The following TCF20 variants were observed in gnomAD, a reference collection of about 807,000 sequenced individuals.
The protein encoded by TCF20 is transcription factor 20.
A neutral mutation model predicts 148.6 loss-of-function variants in TCF20; 3 were observed. The observed-to-expected ratio is 0.02, with a 90% CI of 0.01 to 0.05. The LOEUF is 0.05. TCF20 is among the 10% of genes least tolerant of loss of function. The pLI, the probability that TCF20 is intolerant of heterozygous loss-of-function variation, is 1.00. For missense variants in TCF20, 2,350 were observed against 2,429.3 expected, an observed-to-expected ratio of 0.97 and a Z score of 0.69; for synonymous variants, 1,049 against 909.5, an observed-to-expected ratio of 1.15 and a Z score of -2.76.
At chr22:42,173,727 G>A (rs1936274829) in intron 3 of TCF20, among the ~76,000 whole-genome samples, 1 of 152,206 alleles carries the variant, frequency 6.6e-6, no homozygotes, top group East Asian at 1.9e-4. Context: ...CTGGGTCACT[G>A]TGACTTGGGT....
rs988313517 is a variant in TCF20, at chr22:42,279,993, C to T, written c.-37+3834G>A. 7.9e-5 allele frequency among the ~76,000 whole-genome samples: 12 copies of T among 152,154 alleles called. No homozygotes were observed. The highest frequency in any genetic ancestry group is 2.2e-4 in the African/African-American group (9 of 41,426). Reference sequence around the variant, plus strand: ...GAGCTGCTACTGGGCTGGGCCCTCTCGGTCCCTGAGCCTAGACCAGGTGAG... The same window carrying T: ...GAGCTGCTACTGGGCTGGGCCCTCTTGGTCCCTGAGCCTAGACCAGGTGAG... On this transcript the variant is annotated intron_variant, in intron 1 of 5. Transcript: ENST00000359486. This position sits in a 1 kb window ranked among gnomAD's most constrained non-coding sequence, Gnocchi z 4.3.
chr22:42,325,440 T>A (rs1375120419), intron 1 of TCF20, among the ~76,000 whole-genome samples: 1 of 152,222 alleles, frequency 6.6e-6, no homozygotes, highest in Non-Finnish European at 1.5e-5. Flanking sequence ...AAGACCACCC[T>A]TTCCTGCCCA....
At chr22:42,293,192 C>T (rs1403972586) in intron 1 of TCF20, among the ~76,000 whole-genome samples, 1 of 152,190 alleles carries the variant, frequency 6.6e-6, no homozygotes, top group Non-Finnish European at 1.5e-5. Context: ...CAAGGTCAGA[C>T]CCAGCTTCTC....
chr22:42,234,739 T>C (rs17386770), intron 1 of TCF20, among the ~76,000 whole-genome samples: 4,580 of 152,188 alleles, frequency 0.03, 89 homozygotes, highest in Non-Finnish European at 0.047. Flanking sequence ...TAAGGTGAAA[T>C]AGTTACATCT....
chr22:42,310,736 A>G (rs1601702278), intron 1 of TCF20, among the ~76,000 whole-genome samples: 1 of 152,298 alleles, frequency 6.6e-6, no homozygotes, highest in East Asian at 1.9e-4. Context: ...CCAGGCCAGG[A>G]GCCTGAGTCT....
At chr22:42,200,212 T>C (rs1361658632) in intron 2 of TCF20, among the ~76,000 whole-genome samples, 1 of 152,186 alleles carries the variant, frequency 6.6e-6, no homozygotes, top group East Asian at 1.9e-4. Flanking sequence ...ATTTCTTTTC[T>C]TCAACCCTTC....
intron 1 of TCF20, among the ~76,000 whole-genome samples, chr22:42,261,719 G>C (rs373198507): frequency 5.8e-4 from 88 of 152,272 alleles, no homozygotes; most frequent in African/African-American, 1.9e-3. Context: ...AAAAGTTCCA[G>C]ATGGTGGCTC....
chr22:42,287,349 C>T (rs149059770), upstream of TCF20, among the ~76,000 whole-genome samples: 63 of 152,274 alleles, frequency 4.1e-4, no homozygotes, highest in Non-Finnish European at 7.2e-4. Flanking sequence ...TCAACCATTT[C>T]ACAGATGAGC....
At chr22:42,341,631 T>C (rs894732044) in intron 1 of TCF20, among the ~76,000 whole-genome samples, 3 of 152,104 alleles carry the variant, frequency 2.0e-5, no homozygotes, top group Non-Finnish European at 2.9e-5. Context: ...CCGAGAGCCC[T>C]GTAAGGGACC....
rs1569089637 is a variant in TCF20, at chr22:42,161,365, G to A, written c.*45-7C>T. 6.2e-7 allele frequency: 1 copy of A among 1,614,090 alleles called. No individual in the cohort carries two copies. Among genetic ancestry groups the A allele is most frequent in the Non-Finnish European group, 8.5e-7 (1 of 1,179,966 alleles). On this transcript the variant is annotated splice_polypyrimidine_tract_variant and splice_region_variant and intron_variant, in intron 5 of 5. Coordinates refer to ENST00000677622, the MANE Select transcript of TCF20 (RefSeq NM_001378418.1). ...CTCATCTCCACAGTCTCACCTGGAA[G>A]ACAAGGGACACACAGTGAAGGCCAG...
rs1469735386 is a variant in TCF20 at position 42,209,774 on chromosome 22, T to C, written c.5532A>G (p.Glu1844=). 1.2e-6 allele frequency: 2 copies of C among 1,614,002 alleles called. No homozygotes were observed. Among genetic ancestry groups the C allele is most frequent in the South Asian group, 1.1e-5 (1 of 91,074 alleles). ...GGPELELQIP[E]LPLDSNEFWV... ...AAAATTCATTGCTGTCAAGAGGTAG[T>C]TCAGGGATTTGTAACTCCAGCTCAG... The change falls in exon 2 of 6, where the codon GAA becomes GAG. Residue 1844 remains glutamate (E), a synonymous_variant. Transcript: ENST00000677622.
intron 2 of TCF20, among the ~76,000 whole-genome samples, chr22:42,194,602 T>C (rs1158482277): frequency 2.9e-5 from 2 of 69,674 alleles, no homozygotes; most frequent in Non-Finnish European, 6.2e-5. Flanking sequence ...GAGTGTGGGG[T>C]GGGGGCGGGG....
chr22:42,170,735 C>G lies in TCF20; in HGVS notation c.5750-839G>C, dbSNP rs968405413. Reference sequence around the variant, plus strand: ...ACAGCTGATTTAAATTTTATCTTTTCTATATTCCCACGATATCACCAATAA... The same window carrying G: ...ACAGCTGATTTAAATTTTATCTTTTGTATATTCCCACGATATCACCAATAA... On this transcript the variant is annotated intron_variant, in intron 3 of 5. Coordinates refer to ENST00000677622, the MANE Select transcript of TCF20 (RefSeq NM_001378418.1). Among the ~76,000 whole-genome samples the G allele has an allele frequency of 6.7e-5, 10 of 148,436 alleles. 1 individual carries two copies. The South Asian group carries it at 1.5e-3, about 23-fold the overall frequency.
chr22:42,270,263 G>A (rs1191176190), intron 1 of TCF20, among the ~76,000 whole-genome samples, 76 bp downstream of exon 1: 1 of 151,222 alleles, frequency 6.6e-6, no homozygotes, highest in South Asian at 2.1e-4. Context: ...CAGCCCCCGA[G>A]GCCGGACACC....
upstream of TCF20, among the ~76,000 whole-genome samples, chr22:42,270,943 C>CT (rs1296328350): frequency 2.0e-5 from 3 of 152,032 alleles, no homozygotes; most frequent in Admixed American, 2.0e-4. Context: ...TCAGGGCCGT[C>CT]TTGGGGGTGG....
At chr22:42,271,529 AG>A (rs1451820547), upstream of TCF20, among the ~76,000 whole-genome samples, 1 of 152,080 alleles carries the variant, frequency 6.6e-6, no homozygotes, top group African/African-American at 2.4e-5. Context: ...ACTAATATGT[AG>A]ATGTTGGTGC....
intron 1 of TCF20, among the ~76,000 whole-genome samples, chr22:42,261,051 A>C (rs1180577264): frequency 6.6e-6 from 1 of 152,224 alleles, no homozygotes; most frequent in Non-Finnish European, 1.5e-5. Context: ...CCAATCTGAA[A>C]TCTAGTACAT....
chr22:42,338,186 G>T lies in TCF20; in HGVS notation c.-37+5293C>A, dbSNP rs1054633512. Among the ~76,000 whole-genome samples, 1 of 152,238 alleles carries T rather than the reference G, an allele frequency of 6.6e-6. No individual in the cohort carries two copies. Among genetic ancestry groups the T allele is most frequent in the African/African-American group, 2.4e-5 (1 of 41,454 alleles). On this transcript the variant is annotated intron_variant, in intron 1 of 1. Coordinates refer to the TCF20 transcript ENST00000515426. This position sits in a 1 kb window ranked among gnomAD's most constrained non-coding sequence, Gnocchi z 4.0. ...ATCCCCCACCGCCCTGGATGTTCAC[G>T]GTTCTGCAGCATGAGAAATCCCCTC...
At chr22:42,326,505 C>G (rs535096762) in intron 1 of TCF20, among the ~76,000 whole-genome samples, 1 of 152,354 alleles carries the variant, frequency 6.6e-6, no homozygotes, top group East Asian at 1.9e-4. Context: ...TGACATGCTT[C>G]CAACTCTCCG....
Sources: allele counts gnomAD v4.1 joint callset (sites outside exome capture counted in the v4.1 genomes callset), GRCh38; gene constraint gnomAD v4.1.1; non-coding constraint Gnocchi (gnomAD v3.1); transcripts MANE v1.5; gene names NCBI Gene and HGNC (gene_info 2026-07-23, HGNC 2026-07-21).